The following TSPEAR variants were observed in gnomAD, a reference collection of about 807,000 sequenced individuals.
The protein encoded by TSPEAR is thrombospondin type laminin G domain and EAR repeats.
A neutral mutation model predicts 71.6 loss-of-function variants in TSPEAR; 69 were observed. The ratio of observed to expected loss-of-function variants is 0.96; its 90% confidence interval spans 0.79 to 1.18. TSPEAR has a LOEUF of 1.18. Among genes scored for constraint, TSPEAR ranks in the 50% most tolerant of loss-of-function variants. TSPEAR has a pLI of 0.00. For synonymous variants in TSPEAR, 402 were observed against 387.2 expected, an observed-to-expected ratio of 1.04 and a Z score of -0.45; for missense variants, 971 against 894.9, an observed-to-expected ratio of 1.09 and a Z score of -1.09.
At chr21:44,549,785 C>T (rs1348946041) in intron 2 of TSPEAR, among the ~76,000 whole-genome samples, 1 of 152,242 alleles carries the variant, frequency 6.6e-6, no homozygotes, top group African/African-American at 2.4e-5. Context: ...GCCATTGGGG[C>T]CTTGCTGTTC....
At chr21:44,709,088 C>G (rs956280836) in intron 1 of TSPEAR, among the ~76,000 whole-genome samples, 1 of 152,002 alleles carries the variant, frequency 6.6e-6, no homozygotes, top group African/African-American at 2.4e-5. Context: ...AGCTCCCGCA[C>G]TCCCAGCCTC....
intron 1 of TSPEAR, among the ~76,000 whole-genome samples, chr21:44,669,479 C>T (rs1438408175): frequency 6.6e-6 from 1 of 152,154 alleles, no homozygotes; most frequent in Non-Finnish European, 1.5e-5. Context: ...CACAAAGCTA[C>T]AAACACAGAG....
intron 1 of TSPEAR, among the ~76,000 whole-genome samples, chr21:44,658,925 T>C (rs1441266285): frequency 1.3e-5 from 2 of 151,996 alleles, no homozygotes; most frequent in African/African-American, 4.8e-5. Context: ...GGGCCCCAGA[T>C]CCCATGCAAT....
intron 1 of TSPEAR, chr21:44,627,174 G>T (rs1470457336): frequency 6.2e-7 from 1 of 1,611,706 alleles, no homozygotes; most frequent in East Asian, 2.2e-5. Context: ...ACCCCAGCAT[G>T]GCCGCGTCCA....
chr21:44,677,375 AT>A (rs1445073172), intron 1 of TSPEAR: 34 of 1,411,860 alleles, frequency 2.4e-5, no homozygotes, highest in Non-Finnish European at 3.2e-5. Context: ...TGGAGTGTGC[AT>A]TGACAGCCTG....
intron 11 of TSPEAR, among the ~76,000 whole-genome samples, chr21:44,503,720 CG>C (rs1256746216): frequency 1.3e-5 from 1 of 76,534 alleles, no homozygotes; most frequent in South Asian, 4.7e-4. Flanking sequence ...GAGCCCTCGG[CG>C]GGAAGCAAGG....
rs1399201772 is a variant in TSPEAR at position 44,546,486 on chromosome 21, C to A, written c.304-12563G>T. ...AGTAGCTGGGACTACAGGCTCCCGC[C>A]ACCAGGCCCGGCTAATTTTTTGTAT... On this transcript the variant is annotated intron_variant, in intron 2 of 11. Coordinates refer to ENST00000323084, the MANE Select transcript of TSPEAR (RefSeq NM_144991.3). The surrounding 1 kb of genome is among the most constrained non-coding windows in gnomAD (Gnocchi z 4.4). Among the ~76,000 whole-genome samples the A allele has an allele frequency of 1.3e-5, 2 of 152,242 alleles. No individual in the cohort carries two copies. The highest frequency in any genetic ancestry group is 2.9e-5 in the Non-Finnish European group (2 of 68,048).
intron 1 of TSPEAR, among the ~76,000 whole-genome samples, chr21:44,613,698 AG>A (rs781866837): frequency 1.3e-5 from 2 of 152,106 alleles, no homozygotes; most frequent in Non-Finnish European, 2.9e-5. Context: ...GACTGGGTGG[AG>A]GGACACACAG....
chr21:44,577,790 T>C (rs1347952180), intron 1 of TSPEAR, among the ~76,000 whole-genome samples: 1 of 152,254 alleles, frequency 6.6e-6, no homozygotes, highest in Admixed American at 6.5e-5. Context: ...GGCAAATTTC[T>C]AACTTTACTG....
At chr21:44,518,197 C>T in intron 9 of TSPEAR, 1 of 399,840 alleles carries the variant, frequency 2.5e-6, no homozygotes. Context: ...AAAAAAATTC[C>T]TTTCTGTTTC....
At chr21:44,646,653 C>A (rs1555939887) in intron 1 of TSPEAR, 1 of 1,613,676 alleles carries the variant, frequency 6.2e-7, no homozygotes. Flanking sequence ...GTGAGCCCAG[C>A]GCCTGCCAAT....
chr21:44,667,837 T>C (rs145936937), intron 1 of TSPEAR, among the ~76,000 whole-genome samples: 3 of 152,344 alleles, frequency 2.0e-5, no homozygotes, highest in Non-Finnish European at 4.4e-5. Context: ...TCAATTGATA[T>C]AGAAAAGGCA....
intron 4 of TSPEAR, among the ~76,000 whole-genome samples, chr21:44,530,445 G>A (rs1272563334): frequency 2.1e-5 from 3 of 142,286 alleles, no homozygotes; most frequent in Admixed American, 2.0e-4. Flanking sequence ...CTCTCCATCT[G>A]TTCATCTCTC....
intron 1 of TSPEAR, among the ~76,000 whole-genome samples, chr21:44,674,550 C>G (rs1164999119): frequency 6.6e-6 from 1 of 152,038 alleles, no homozygotes; most frequent in Non-Finnish European, 1.5e-5. Context: ...ACACCCAACT[C>G]TATAAAAAAT....
chr21:44,560,969 A>G (rs1186682226), intron 2 of TSPEAR, among the ~76,000 whole-genome samples: 1 of 152,222 alleles, frequency 6.6e-6, no homozygotes, highest in Non-Finnish European at 1.5e-5. Flanking sequence ...AGAAGACAAA[A>G]AATAACTAAG....
At chr21:44,703,175 T>C (rs1987741311) in intron 1 of TSPEAR, among the ~76,000 whole-genome samples, 1 of 152,208 alleles carries the variant, frequency 6.6e-6, no homozygotes, top group Non-Finnish European at 1.5e-5. Flanking sequence ...CCCAGCCTAG[T>C]GTTTATTTCA....
chr21:44,691,149 G>A (rs1436001785), intron 1 of TSPEAR, among the ~76,000 whole-genome samples: 1 of 150,504 alleles, frequency 6.6e-6, no homozygotes, highest in Non-Finnish European at 1.5e-5. Flanking sequence ...CCTTACCTAG[G>A]TAACATCTGA....
At position 44,637,497 on chromosome 21, in the gene TSPEAR, G is replaced by A. The variant is rs1400999112; in HGVS notation, c.83-69492C>T. The stretch of plus-strand genomic sequence containing the variant: ...GTAGTCGACTGCCCAGAGAGCTGCT[G>A]CGAGCCCTGCTGCTGTGCCCCAGCC... On this transcript the variant is annotated intron_variant, in intron 1 of 11. Coordinates refer to ENST00000323084, the MANE Select transcript of TSPEAR (RefSeq NM_144991.3). The A allele has an allele frequency of 6.2e-7, 1 of 1,613,466 alleles. No individual in the cohort carries two copies. Among genetic ancestry groups the A allele is most frequent in the Non-Finnish European group, 8.5e-7 (1 of 1,179,862 alleles).
In TSPEAR at chr21:44,710,105, A is replaced by C. The variant is rs1161093997; in HGVS notation, c.82+1328T>G. The stretch of plus-strand genomic sequence containing the variant: ...ACCCCCACTCCAGGGTGTGCTGAGG[A>C]GTCTCTCAGCTGCCCCGGGGTCCTC... On this transcript the variant is annotated intron_variant, in intron 1 of 11. Coordinates refer to ENST00000323084, the MANE Select transcript of TSPEAR (RefSeq NM_144991.3). This position sits in a 1 kb window ranked among gnomAD's most constrained non-coding sequence, Gnocchi z 4.6. Among the ~76,000 whole-genome samples the C allele has an allele frequency of 6.6e-6, 1 of 151,842 alleles. No homozygotes were observed. Among genetic ancestry groups the C allele is most frequent in the Non-Finnish European group, 1.5e-5 (1 of 67,946 alleles).
Sources: gnomAD v4.1 joint callset for allele counts (sites outside exome capture counted in the v4.1 genomes callset) on GRCh38, gnomAD v4.1.1 for gene constraint, Gnocchi (gnomAD v3.1) non-coding constraint, MANE v1.5 for transcripts, NCBI Gene and HGNC (gene_info 2026-07-23, HGNC 2026-07-21) for gene names.